Variants in RASGRF2 observed in about 807,000 individuals in gnomAD.
The protein encoded by RASGRF2 is Ras protein specific guanine nucleotide releasing factor 2.
RASGRF2 carries 76 observed loss-of-function variants against 151.0 expected under a neutral mutation model. The ratio of observed to expected loss-of-function variants is 0.50; its 90% CI spans 0.42 to 0.61. The LOEUF is 0.61. Among genes scored for constraint, RASGRF2 ranks in the 20% least tolerant of loss-of-function variants. RASGRF2 has a pLI of 0.00. For missense variants in RASGRF2, 1,148 were observed against 1,564.6 expected (o/e 0.73, Z 4.49); for synonymous variants, 504 against 566.5 (o/e 0.89, Z 1.57).
chr5:80,998,418 G>T (rs1748967637), intron 1 of RASGRF2, among the ~76,000 whole-genome samples: 1 of 152,126 alleles, frequency 6.6e-6, no homozygotes, highest in Non-Finnish European at 1.5e-5. Flanking sequence ...CATGTAGGTT[G>T]ATTCTTGAAA....
Position 81,227,793 on chromosome 5 carries a change from A to C in RASGRF2, c.*2023A>C, listed in dbSNP as rs1427260898. 6.6e-6 allele frequency: 1 copy of C among 152,260 alleles called. No individual in the cohort carries two copies. The highest frequency in any genetic ancestry group is 1.5e-5 in the Non-Finnish European group (1 of 68,064). The allele number at this position is 152,260 out of a possible 1,614,324, so 9.4% of individuals were successfully genotyped here. A position where few individuals can be genotyped will look rare whatever the true frequency, so the allele number is the denominator to read the frequency against. ...GGCCAAACAACACGTGGAAAGGTGC[A>C]TGCATTCTACTCTGCCTTGGAGTTG... is the stretch of plus-strand genomic sequence containing the variant. On this transcript the variant is annotated 3_prime_UTR_variant, in exon 27 of 27. Transcript: ENST00000265080.
At chr5:81,033,748 C>A in intron 1 of RASGRF2, among the ~76,000 whole-genome samples, 1 of 152,214 alleles carries the variant, frequency 6.6e-6, no homozygotes, top group East Asian at 1.9e-4. Flanking sequence ...GCAAGGATTT[C>A]ATGTCTAAAA....
At chr5:81,216,904 A>G (rs1397698645) in intron 24 of RASGRF2, 1 of 436,740 alleles carries the variant, frequency 2.3e-6, no homozygotes, top group Non-Finnish European at 4.6e-6. Context: ...AGTACCAACT[A>G]AAACAGAAAA....
At chr5:81,070,627 C>A in intron 4 of RASGRF2, 46 bp downstream of exon 4, 2 of 1,502,986 alleles carry the variant, frequency 1.3e-6, no homozygotes, top group South Asian at 2.3e-5. Context: ...GGTGACCAGT[C>A]GTCTGTTCTA....
intron 17 of RASGRF2, among the ~76,000 whole-genome samples, chr5:81,129,630 A>G (rs1272446542): frequency 6.6e-6 from 1 of 152,194 alleles, no homozygotes; most frequent in Admixed American, 6.5e-5. Flanking sequence ...TAATGGTCAA[A>G]ATATCAATCT....
At chr5:81,069,180 G>A (rs1026950895) in intron 3 of RASGRF2, among the ~76,000 whole-genome samples, 8 of 152,056 alleles carry the variant, frequency 5.3e-5, no homozygotes, top group African/African-American at 1.9e-4. Flanking sequence ...TGGGGTTTTC[G>A]CCTTCTGCTC....
At chr5:81,216,412 G>C (rs1456904388) in intron 24 of RASGRF2, among the ~76,000 whole-genome samples, 1 of 148,106 alleles carries the variant, frequency 6.8e-6, no homozygotes, top group Non-Finnish European at 1.5e-5. Flanking sequence ...GAGAGAGAGA[G>C]AGTTTGAGAT....
At chr5:81,112,556 C>G in intron 13 of RASGRF2, 54 bp from the exon 14 acceptor site, 1 of 1,606,732 alleles carries the variant, frequency 6.2e-7, no homozygotes, top group Non-Finnish European at 8.5e-7. Context: ...ATTCAGTGGC[C>G]GAGGGGGAAG....
intron 1 of RASGRF2, among the ~76,000 whole-genome samples, chr5:81,007,663 G>A (rs1382944075): frequency 6.6e-6 from 1 of 152,046 alleles, no homozygotes; most frequent in African/African-American, 2.4e-5. Flanking sequence ...AATATTGAAG[G>A]CTGATTTAGG....
At chr5:80,986,407 C>G (rs758309882) in intron 1 of RASGRF2, among the ~76,000 whole-genome samples, 2 of 152,222 alleles carry the variant, frequency 1.3e-5, no homozygotes, top group Non-Finnish European at 2.9e-5. Context: ...ATCTGTCTGT[C>G]TTTTATTCAA....
chr5:81,216,125 C>T (rs973922892), intron 24 of RASGRF2, among the ~76,000 whole-genome samples, 170 bp downstream of exon 24: 3 of 152,094 alleles, frequency 2.0e-5, no homozygotes, highest in African/African-American at 7.2e-5. Context: ...ATTTGGAATA[C>T]TGTGCATACA....
At chr5:81,056,585 T>C (rs1223670) in intron 2 of RASGRF2, among the ~76,000 whole-genome samples, 17,281 of 152,262 alleles carry the variant, frequency 0.11, 1,257 homozygotes, top group Non-Finnish European at 0.16. Context: ...GGTGTGGTGC[T>C]GAGAAGAATG....
At chr5:81,065,955 A>T (rs1426884938) in intron 2 of RASGRF2, among the ~76,000 whole-genome samples, 1 of 152,122 alleles carries the variant, frequency 6.6e-6, no homozygotes, top group Admixed American at 6.6e-5. Flanking sequence ...GTTGGTGATG[A>T]GTCTGTGTGA....
intron 17 of RASGRF2, among the ~76,000 whole-genome samples, chr5:81,131,685 GAAA>G (rs796624027): frequency 4.8e-4 from 60 of 126,314 alleles, no homozygotes; most frequent in African/African-American, 1.5e-3. Context: ...TAAAAGAAAA[GAAA>G]AAAAAAAAAA....
intron 12 of RASGRF2, among the ~76,000 whole-genome samples, chr5:81,098,673 T>G: frequency 6.6e-6 from 1 of 152,156 alleles, no homozygotes; most frequent in East Asian, 1.9e-4. Flanking sequence ...ACTTAGTGAT[T>G]TTGCTGCTGT....
intron 1 of RASGRF2, among the ~76,000 whole-genome samples, chr5:81,010,272 G>A (rs935583918): frequency 5.9e-5 from 9 of 152,030 alleles, no homozygotes; most frequent in Admixed American, 5.9e-4. Flanking sequence ...TTGCCTCTCT[G>A]TATTTTCCGT....
intron 1 of RASGRF2, 132 bp from the exon 2 acceptor site, chr5:81,042,745 A>AT (rs1442634870): frequency 1.6e-6 from 1 of 632,392 alleles, no homozygotes; most frequent in African/African-American, 1.8e-5. Context: ...GAAATGTTAC[A>AT]TTTTGAAATA....
At chr5:80,969,038 C>G (rs141816009) in intron 1 of RASGRF2, among the ~76,000 whole-genome samples, 105 of 151,832 alleles carry the variant, frequency 6.9e-4, no homozygotes, top group African/African-American at 2.4e-3. Context: ...GATTTGATCC[C>G]ACTCTAAGGG....
chr5:81,067,925 A>C, intron 2 of RASGRF2, 107 bp from the exon 3 acceptor site: 1 of 991,384 alleles, frequency 1.0e-6, no homozygotes, highest in African/African-American at 1.7e-5. Context: ...ATAGCTGAAC[A>C]AACAATGCTC....
Sources: gnomAD v4.1 joint callset for allele counts (sites outside exome capture counted in the v4.1 genomes callset) on GRCh38, gnomAD v4.1.1 for gene constraint, MANE v1.5 for transcripts, NCBI Gene and HGNC (gene_info 2026-07-23, HGNC 2026-07-21) for gene names.